Variants in GRM4 observed in about 807,000 individuals in gnomAD.
GRM4 encodes the protein metabotropic glutamate receptor 4.
GRM4 carries 28 observed loss-of-function variants against 81.7 expected under a neutral mutation model. The ratio of observed to expected loss-of-function variants is 0.34; its 90% CI spans 0.25 to 0.47. The LOEUF (loss-of-function observed/expected upper bound fraction) is 0.47, where lower values mean the gene tolerates loss of function less well. GRM4 is among the 20% of genes least tolerant of loss of function. The pLI is 1.00. For missense variants in GRM4, 948 were observed against 1,290.0 expected (o/e 0.73, Z 4.06); for synonymous variants, 488 against 528.8 (o/e 0.92, Z 1.06).
intron 2 of GRM4, among the ~76,000 whole-genome samples, chr6:34,097,438 TGTGTGTGTGTGTGC>T (rs58907154): frequency 0.85 from 129,371 of 151,520 alleles, 55,207 homozygotes; most frequent in South Asian, 0.89. Flanking sequence ...CCTGTGTGTG[TGTGTGTGTGTGTGC>T]GCGCGCATGT....
At chr6:34,108,346 G>A (rs957898810) in intron 2 of GRM4, among the ~76,000 whole-genome samples, 3 of 152,206 alleles carry the variant, frequency 2.0e-5, no homozygotes, top group Non-Finnish European at 4.4e-5. Flanking sequence ...CACTGCTTAC[G>A]CATTGATTTA....
intron 2 of GRM4, among the ~76,000 whole-genome samples, chr6:34,124,506 A>G (rs561084616): frequency 6.6e-6 from 1 of 152,306 alleles, no homozygotes; most frequent in Admixed American, 6.5e-5. Flanking sequence ...GAAGCCCACC[A>G]GGGCAGGGCT....
intron 8 of GRM4, among the ~76,000 whole-genome samples, chr6:34,037,547 G>C (rs1197572726): frequency 1.3e-5 from 2 of 152,110 alleles, no homozygotes; most frequent in Non-Finnish European, 1.5e-5. Flanking sequence ...TAGCTGGTTG[G>C]GGGGTGTGGG....
chr6:34,044,249 G>A (rs199711307), intron 6 of GRM4, among the ~76,000 whole-genome samples: 1 of 123,012 alleles, frequency 8.1e-6, no homozygotes, highest in African/African-American at 3.4e-5. Context: ...TACACACACA[G>A]AGACATACAT....
intron 6 of GRM4, among the ~76,000 whole-genome samples, chr6:34,053,439 C>T (rs1278154665): frequency 1.3e-5 from 2 of 152,244 alleles, no homozygotes; most frequent in Non-Finnish European, 2.9e-5. Context: ...CTCACCCGCC[C>T]CTCACCTCAC....
chr6:34,095,158 C>T (rs377727453), intron 2 of GRM4, among the ~76,000 whole-genome samples: 11 of 152,290 alleles, frequency 7.2e-5, no homozygotes, highest in African/African-American at 9.6e-5. Flanking sequence ...ATTTCAAGAG[C>T]GCAGGAGGGG....
chr6:34,029,916 G>T (rs1764329035), intron 9 of GRM4, among the ~76,000 whole-genome samples: 2 of 152,208 alleles, frequency 1.3e-5, no homozygotes. Context: ...GTGGCCACTG[G>T]TTCAGGGAAA....
chr6:34,079,063 A>G (rs9394187), intron 3 of GRM4, among the ~76,000 whole-genome samples: 88,083 of 152,050 alleles, frequency 0.58, 28,700 homozygotes, highest in Non-Finnish European at 0.72. Flanking sequence ...AATTCTTACA[A>G]TAACCAGCAA....
intron 2 of GRM4, among the ~76,000 whole-genome samples, chr6:34,129,234 C>T (rs1387290367): frequency 7.9e-5 from 12 of 152,128 alleles, no homozygotes; most frequent in Non-Finnish European, 1.5e-4. Flanking sequence ...AGGCTGGTCT[C>T]GAACTCCTGA....
intron 6 of GRM4, among the ~76,000 whole-genome samples, chr6:34,052,867 A>G (rs1765682559): frequency 6.6e-6 from 1 of 152,196 alleles, no homozygotes; most frequent in Non-Finnish European, 1.5e-5. Context: ...AAGTTGCCTC[A>G]GTTTCCTCTT....
intron 8 of GRM4, among the ~76,000 whole-genome samples, chr6:34,038,821 G>A (rs1332199031): frequency 6.6e-6 from 1 of 152,314 alleles, no homozygotes; most frequent in African/African-American, 2.4e-5. Context: ...GACTTTCAGG[G>A]GAAGGGCCCA....
intron 3 of GRM4, chr6:34,091,625 C>A (rs1038365794): frequency 2.0e-5 from 11 of 544,102 alleles, no homozygotes; most frequent in Non-Finnish European, 3.3e-5. Flanking sequence ...GGCTCCTGCA[C>A]CAGGGAGGTC....
chr6:34,025,801 T>G (rs995518375), intron 10 of GRM4, among the ~76,000 whole-genome samples: 4 of 152,200 alleles, frequency 2.6e-5, no homozygotes, highest in African/African-American at 4.8e-5. Context: ...GTCTCTCATC[T>G]GTAAGATGGG....
intron 6 of GRM4, among the ~76,000 whole-genome samples, chr6:34,044,713 CACACAT>C (rs1425370213): frequency 1.3e-4 from 17 of 130,388 alleles, no homozygotes; most frequent in African/African-American, 6.1e-4. Flanking sequence ...TACAGACACA[CACACAT>C]ACACACACAG....
chr6:34,124,521 C>T (rs543581861), intron 2 of GRM4, among the ~76,000 whole-genome samples: 14 of 152,346 alleles, frequency 9.2e-5, no homozygotes, highest in South Asian at 6.2e-4. Flanking sequence ...AGGGCTCACC[C>T]GAGTGCTTCC....
rs2127513490 is a variant in GRM4, at chr6:34,136,394, C to A, written c.-363-2535G>T. On this transcript the variant is annotated intron_variant, in intron 1 of 10. Coordinates refer to ENST00000538487, the MANE Select transcript of GRM4 (RefSeq NM_000841.4). The surrounding 1 kb of genome is among the most constrained non-coding windows in gnomAD (Gnocchi z 4.1). Reference sequence around the variant, plus strand: ...AACAGAGGGCTTTTTGGCATCATGACAGGCTGTGTGCTGGGGCTACAGCAG... The same window carrying A: ...AACAGAGGGCTTTTTGGCATCATGAAAGGCTGTGTGCTGGGGCTACAGCAG... 6.6e-6 allele frequency among the ~76,000 whole-genome samples: 1 copy of A among 152,170 alleles called. No homozygotes were observed. The highest frequency in any genetic ancestry group is 2.4e-5 in the African/African-American group (1 of 41,500).
chr6:34,091,309 T>C (rs1768194267), intron 3 of GRM4, among the ~76,000 whole-genome samples: 1 of 152,150 alleles, frequency 6.6e-6, no homozygotes, highest in South Asian at 2.1e-4. Flanking sequence ...GCACGCTTAA[T>C]GGGGGAAGAT....
At chr6:34,104,723 G>A (rs1769031917) in intron 2 of GRM4, among the ~76,000 whole-genome samples, 1 of 152,126 alleles carries the variant, frequency 6.6e-6, no homozygotes, top group African/African-American at 2.4e-5. Flanking sequence ...TGTTCCAGGT[G>A]TTTCCCCACC....
intron 2 of GRM4, among the ~76,000 whole-genome samples, chr6:34,105,474 G>A (rs1159823988): frequency 2.6e-5 from 4 of 152,130 alleles, no homozygotes; most frequent in Non-Finnish European, 4.4e-5. Flanking sequence ...TCCCTTCCTC[G>A]CTTGGTGGTC....
Sources: allele counts gnomAD v4.1 joint callset (sites outside exome capture counted in the v4.1 genomes callset), GRCh38; gene constraint gnomAD v4.1.1; non-coding constraint Gnocchi (gnomAD v3.1); transcripts MANE v1.5; gene names NCBI Gene and HGNC (gene_info 2026-07-23, HGNC 2026-07-21).